Variants in PAQR5 observed in about 807,000 individuals in gnomAD.
PAQR5 encodes the protein progestin and adipoQ receptor family member 5.
PAQR5 carries 20 observed loss-of-function variants against 34.5 expected under a neutral mutation model. The ratio of observed to expected loss-of-function variants is 0.58; its 90% CI spans 0.41 to 0.84. PAQR5 has a LOEUF of 0.84. PAQR5 is among the 40% of genes least tolerant of loss of function. PAQR5 has a pLI of 0.00. For missense variants in PAQR5, 378 were observed against 412.7 expected (o/e 0.92, Z 0.73); for synonymous variants, 131 against 155.6 (o/e 0.84, Z 1.18).
intron 3 of PAQR5, 50 bp downstream of exon 3, chr15:69,360,181 C>T (rs2055195728): frequency 1.4e-6 from 2 of 1,456,948 alleles, no homozygotes; most frequent in East Asian, 4.5e-5. Context: ...GTGACCAGGG[C>T]TTGGCCTCCG....
At chr15:69,300,559 T>C (rs1369962011) in intron 1 of PAQR5, among the ~76,000 whole-genome samples, 1 of 151,404 alleles carries the variant, frequency 6.6e-6, no homozygotes, top group Non-Finnish European at 1.5e-5. Flanking sequence ...TCCCGTATGC[T>C]TTTCTTTCTT....
In PAQR5 at chr15:69,379,609, G is replaced by A. The variant is rs558970757; in HGVS notation, c.52-274G>A. On this transcript the variant is annotated intron_variant, in intron 3 of 8. Transcript: ENST00000395407. ...TTCTTAGGCAAGATTCATGCCAAGA[G>A]TAAGTACGCCGGGGAATGCAAAGAC... is the stretch of plus-strand genomic sequence containing the variant. 18 of 984,192 alleles carry A rather than the reference G, an allele frequency of 1.8e-5. No homozygotes were observed. The South Asian group carries it at 8.5e-4, about 46-fold the overall frequency. 61.0% of individuals were successfully genotyped at this position (984,192 alleles called of 1,614,324 possible).
chr15:69,400,449 G>A (rs899806874), intron 8 of PAQR5, among the ~76,000 whole-genome samples: 2 of 152,110 alleles, frequency 1.3e-5, no homozygotes, highest in African/African-American at 4.8e-5. Context: ...ATCCCAGCAC[G>A]TTGGGAGGCC....
intron 1 of PAQR5, among the ~76,000 whole-genome samples, chr15:69,330,723 A>G (rs1184113062): frequency 3.9e-5 from 6 of 152,184 alleles, no homozygotes; most frequent in Non-Finnish European, 5.9e-5. Flanking sequence ...TGCTCCAGGA[A>G]TGCTTGGGGA....
chr15:69,318,184 C>A (rs2053998452), intron 1 of PAQR5, among the ~76,000 whole-genome samples: 1 of 152,200 alleles, frequency 6.6e-6, no homozygotes, highest in South Asian at 2.1e-4. Context: ...GCAGCAGGGG[C>A]TCAGAGGAGA....
rs540821374 is a variant in PAQR5, at chr15:69,384,512, C to T, written c.180-165C>T. On this transcript the variant is annotated intron_variant, in intron 4 of 8. Coordinates refer to ENST00000395407, the MANE Select transcript of PAQR5 (RefSeq NM_017705.4). ...CATGGTGGAGGGTGAGTGGGCCCTC[C>T]GTGTTCATGGTGGAGGGTGAGTGGG... Among the ~76,000 whole-genome samples the T allele has an allele frequency of 4.7e-5, 2 of 42,572 alleles. 1 individual carries two copies. Among genetic ancestry groups the T allele is most frequent in the Non-Finnish European group, 1.0e-4 (2 of 19,148 alleles). The allele number at this position is 42,572 out of a possible 152,430, so 27.9% of individuals were successfully genotyped here.
At position 69,404,005 on chromosome 15, in the gene PAQR5, CTG is replaced by C; in HGVS notation, c.*192_*193del. 1 of 616,544 alleles carries C rather than the reference CTG, an allele frequency of 1.6e-6. No individual in the cohort carries two copies. Among genetic ancestry groups the C allele is most frequent in the Non-Finnish European group, 2.8e-6 (1 of 363,490 alleles). The allele number at this position is 616,544 out of a possible 1,614,324, so 38.2% of individuals were successfully genotyped here. A position where few individuals can be genotyped will look rare whatever the true frequency, so the allele number is the denominator to read the frequency against. On this transcript the variant is annotated 3_prime_UTR_variant, in exon 9 of 9. Transcript: ENST00000395407. The stretch of plus-strand genomic sequence containing the variant: ...AAATTTCTCTAAATGTACACTGATT[CTG>C]TGTGTGTGATTTTAAAAGGAGAATA...
intron 2 of PAQR5, among the ~76,000 whole-genome samples, chr15:69,339,052 T>C (rs1835645557): frequency 6.6e-6 from 1 of 152,084 alleles, no homozygotes; most frequent in Non-Finnish European, 1.5e-5. Flanking sequence ...CTCAGATCAG[T>C]AATTTGTCTC....
chr15:69,307,985 C>A (rs924032111), intron 1 of PAQR5, among the ~76,000 whole-genome samples: 1 of 152,158 alleles, frequency 6.6e-6, no homozygotes, highest in African/African-American at 2.4e-5. Context: ...CCCACAGAAC[C>A]ACCTGGAGAT....
In PAQR5 at chr15:69,378,264, T is replaced by TAAAAAAAAAAAAAAAAAAAAAAAAAA. The variant is rs71149912; in HGVS notation, c.52-1618_52-1593dup. Among the ~76,000 whole-genome samples, 3 of 59,692 alleles carry TAAAAAAAAAAAAAAAAAAAAAAAAAA rather than the reference T, an allele frequency of 5.0e-5. 1 individual carries two copies. Among genetic ancestry groups the TAAAAAAAAAAAAAAAAAAAAAAAAAA allele is most frequent in the African/African-American group, 2.5e-4 (3 of 11,862 alleles). 39.2% of individuals were successfully genotyped at this position (59,692 alleles called of 152,430 possible). ...TGGGCAACAAAATGAGACTCCATCT[T>TAAAAAAAAAAAAAAAAAAAAAAAAAA]AAAAAAAAAAAAAAAAAAAAAAAAA... On this transcript the variant is annotated intron_variant, in intron 3 of 8. Transcript: ENST00000395407.
intron 3 of PAQR5, among the ~76,000 whole-genome samples, chr15:69,370,504 A>T (rs2055531093): frequency 6.6e-6 from 1 of 152,074 alleles, no homozygotes; most frequent in African/African-American, 2.4e-5. Flanking sequence ...ATCCCCCTTT[A>T]TTTTATTATT....
chr15:69,329,463 C>CCTTTTTTTTT (rs1224567638), intron 1 of PAQR5, among the ~76,000 whole-genome samples: 1 of 73,760 alleles, frequency 1.4e-5, no homozygotes, highest in African/African-American at 5.7e-5. Context: ...TTTTTTCTTT[C>CCTTTTTTTTT]TTTTTTTTTT....
intron 1 of PAQR5, among the ~76,000 whole-genome samples, chr15:69,309,149 G>A (rs1360553446): frequency 6.6e-6 from 1 of 152,128 alleles, no homozygotes; most frequent in Non-Finnish European, 1.5e-5. Flanking sequence ...CCATGGGGTG[G>A]ATGGGACAGC....
chr15:69,362,868 T>TC (rs1459852857), intron 3 of PAQR5, among the ~76,000 whole-genome samples: 2 of 152,112 alleles, frequency 1.3e-5, no homozygotes, highest in African/African-American at 2.4e-5. Context: ...GCCTGATCCC[T>TC]CCCCACCTCT....
intron 3 of PAQR5, among the ~76,000 whole-genome samples, chr15:69,360,407 A>G (rs1317062976): frequency 6.6e-6 from 1 of 152,236 alleles, no homozygotes; most frequent in Non-Finnish European, 1.5e-5. Flanking sequence ...CAACCTGAAG[A>G]GATAAAGCCA....
intron 6 of PAQR5, among the ~76,000 whole-genome samples, chr15:69,396,027 A>G (rs893400364): frequency 2.0e-5 from 3 of 151,708 alleles, no homozygotes; most frequent in East Asian, 1.9e-4. Flanking sequence ...GTGGAGCACA[A>G]TAGCCTGGAG....
Position 69,389,535 on chromosome 15 carries a change from G to A in PAQR5, c.386-119G>A, listed in dbSNP as rs77923948. ...AAGGGGGAATGGCACCAGCGAGGGC[G>A]CAGAGCCAGGACTGTGGGAATGATA... is the stretch of plus-strand genomic sequence containing the variant. On this transcript the variant is annotated intron_variant, in intron 5 of 8. Coordinates refer to ENST00000395407, the MANE Select transcript of PAQR5 (RefSeq NM_017705.4). 3.8e-3 allele frequency: 4,934 copies of A among 1,291,992 alleles called. 149 individuals are homozygous for A. The African/African-American group carries it at 0.059, about 15-fold the overall frequency. 80.0% of individuals were successfully genotyped at this position (1,291,992 alleles called of 1,614,324 possible).
chr15:69,350,417 C>A (rs1218972833), intron 2 of PAQR5, among the ~76,000 whole-genome samples: 1 of 152,154 alleles, frequency 6.6e-6, no homozygotes, highest in East Asian at 1.9e-4. Flanking sequence ...CCGATGCAGG[C>A]AGATAACTTG....
At position 69,364,141 on chromosome 15, in the gene PAQR5, T is replaced by C. The variant is rs144876367; in HGVS notation, c.51+4010T>C. On this transcript the variant is annotated intron_variant, in intron 3 of 8. Coordinates refer to ENST00000395407, the MANE Select transcript of PAQR5 (RefSeq NM_017705.4). ...ATAAAAATGAAATAGAACAGTGGGA[T>C]TATTATGAATGAAGGAAGCACAGCC... Among the ~76,000 whole-genome samples, 947 of 152,216 alleles carry C rather than the reference T, an allele frequency of 6.2e-3. 4 individuals carry two copies. Among genetic ancestry groups the C allele is most frequent in the Admixed American group, 0.012 (177 of 15,280 alleles).
Sources: gnomAD v4.1 joint callset for allele counts (sites outside exome capture counted in the v4.1 genomes callset) on GRCh38, gnomAD v4.1.1 for gene constraint, MANE v1.5 for transcripts, NCBI Gene and HGNC (gene_info 2026-07-23, HGNC 2026-07-21) for gene names.